Variants in THAP12 observed in about 807,000 individuals in gnomAD.
THAP12 encodes the protein THAP domain containing 12, also known as 52 kDa repressor of the inhibitor of the protein kinase.
A neutral mutation model predicts 63.0 loss-of-function variants in THAP12; 20 were observed. The ratio of observed to expected loss-of-function variants is 0.32; its 90% CI spans 0.22 to 0.46. The LOEUF (loss-of-function observed/expected upper bound fraction) is 0.46, where lower values mean the gene tolerates loss of function less well. THAP12 is among the 20% of genes least tolerant of loss of function. The pLI, the probability that THAP12 is intolerant of heterozygous loss-of-function variation, is 1.00. For synonymous variants in THAP12, 264 were observed against 328.4 expected, an observed-to-expected ratio of 0.80 and a Z score of 2.12; for missense variants, 568 against 908.2, an observed-to-expected ratio of 0.63 and a Z score of 4.81.
chr11:76,356,032 G>A (rs1202466753), intron 3 of THAP12: 2 of 162,950 alleles, frequency 1.2e-5, no homozygotes, highest in African/African-American at 2.4e-5. Flanking sequence ...TAACCCTGGA[G>A]ATGTCCCATA....
In THAP12 at chr11:76,351,132, A is replaced by T. The variant is rs766401173; in HGVS notation, c.2018T>A (p.Phe673Tyr). ...YEALHLPDIK[F>Y]FPNVYALLKV... is the part of the protein sequence containing the mutation. ...CAGCAATGCATACACATTAGGAAAA[A>T]ACTTGATGTCAGGCAGGTGGAGGGC... Residue 673 changes from phenylalanine to tyrosine, a missense_variant, in exon 5 of 5, where the codon TTT (phenylalanine) becomes TAT (tyrosine). Transcript: ENST00000260045. The T allele has an allele frequency of 6.2e-7, 1 of 1,608,034 alleles. No homozygotes were observed. The highest frequency in any genetic ancestry group is 8.5e-7 in the Non-Finnish European group (1 of 1,177,730).
chr11:76,374,317 T>C (rs1291457218), intron 1 of THAP12, among the ~76,000 whole-genome samples: 1 of 151,782 alleles, frequency 6.6e-6, no homozygotes, highest in African/African-American at 2.4e-5. Context: ...AAACCATAAA[T>C]TGGTCATTTG....
intron 4 of THAP12, among the ~76,000 whole-genome samples, chr11:76,354,927 A>G (rs56012153): frequency 0.14 from 21,258 of 152,210 alleles, 1,587 homozygotes; most frequent in South Asian, 0.21. Flanking sequence ...GCCCAAGTCC[A>G]TATCTCCTCA....
At chr11:76,376,425 G>T (rs1453730752) in intron 1 of THAP12, among the ~76,000 whole-genome samples, 3 of 152,154 alleles carry the variant, frequency 2.0e-5, no homozygotes, top group Non-Finnish European at 2.9e-5. Flanking sequence ...ATTACAGGAG[G>T]CAGATGTCCA....
chr11:76,380,729 C>T lies in THAP12; in HGVS notation c.89+19G>A. ...CGCGAAGGTGGGCCCGGGCCGCCCGCTCTGCGCCCGCCGCTTACCTGGCAG... is the reference window on the plus strand; with the variant it reads ...CGCGAAGGTGGGCCCGGGCCGCCCGTTCTGCGCCCGCCGCTTACCTGGCAG... On this transcript the variant is annotated intron_variant, in intron 1 of 4. Coordinates refer to ENST00000260045, the MANE Select transcript of THAP12 (RefSeq NM_004705.4). The T allele has an allele frequency of 7.1e-7, 1 of 1,410,008 alleles. No homozygotes were observed. 87.3% of individuals were successfully genotyped at this position (1,410,008 alleles called of 1,614,324 possible).
At position 76,355,617 on chromosome 11, in the gene THAP12, C is replaced by CT. The variant is rs745826670; in HGVS notation, c.355dup (p.Ile119AsnfsTer2). On this transcript the variant is annotated frameshift_variant and splice_region_variant. Transcript: ENST00000260045. LOFTEE classifies it high-confidence loss of function. The stretch of plus-strand genomic sequence containing the variant: ...GTTGAGTCATTAACACTATCACTTA[C>CT]TTTTTTTCTGTTTCAGTGTCCTGAT... 2.5e-6 allele frequency: 4 copies of CT among 1,597,298 alleles called. No homozygotes were observed. The highest frequency in any genetic ancestry group is 1.1e-5 in the South Asian group (1 of 87,120).
intron 2 of THAP12, among the ~76,000 whole-genome samples, chr11:76,365,197 G>A (rs988909785): frequency 1.3e-5 from 2 of 151,570 alleles, no homozygotes; most frequent in Admixed American, 6.6e-5. Context: ...AGAGAGAATC[G>A]CTTGAGCCCA....
chr11:76,356,093 C>G (rs1238652729), intron 3 of THAP12: 1 of 154,948 alleles, frequency 6.5e-6, no homozygotes, highest in East Asian at 1.9e-4. Context: ...ATGAGAAATC[C>G]CTGAGAAGCA....
intron 2 of THAP12, among the ~76,000 whole-genome samples, chr11:76,361,554 A>G (rs540816518): frequency 5.3e-5 from 8 of 152,326 alleles, no homozygotes; most frequent in African/African-American, 1.9e-4. Context: ...TCCAAACTCT[A>G]CCAGTGAGTG....
chr11:76,380,256 G>A (rs2134522517), intron 1 of THAP12, among the ~76,000 whole-genome samples: 1 of 152,304 alleles, frequency 6.6e-6, no homozygotes, highest in East Asian at 1.9e-4. Flanking sequence ...TGACAAGTCC[G>A]AAGGAGAAAG....
rs373992049 is a variant in THAP12 at position 76,355,633 on chromosome 11, G to C, written c.340C>G (p.Leu114Val). 3.8e-5 allele frequency: 60 copies of C among 1,592,396 alleles called. No homozygotes were observed. The highest frequency in any genetic ancestry group is 4.9e-5 in the Non-Finnish European group (58 of 1,171,828). Residue 114 changes from leucine (L) to valine (V), a missense_variant, in exon 4 of 5, where the codon CTG (leucine) becomes GTG (valine). Transcript: ENST00000260045. ...TATCACTTACTTTTTTTCTGTTTCA[G>C]TGTCCTGATTTCATCTTCACTCTAA... Reference protein sequence around the residue: ...KELSEDEIRTLKQKKIDETSE... With the variant: ...KELSEDEIRTVKQKKIDETSE...
intron 1 of THAP12, among the ~76,000 whole-genome samples, chr11:76,376,590 T>A (rs1372174559): frequency 6.6e-6 from 1 of 151,748 alleles, no homozygotes; most frequent in Non-Finnish European, 1.5e-5. Flanking sequence ...AACATCTTTG[T>A]CTTCGAATGC....
chr11:76,371,239 C>T (rs1021217524), intron 1 of THAP12, among the ~76,000 whole-genome samples: 3 of 152,156 alleles, frequency 2.0e-5, no homozygotes, highest in African/African-American at 7.2e-5. Context: ...CTTTTAGTGG[C>T]TTCTCATTAC....
At chr11:76,363,363 T>C (rs12364900) in intron 2 of THAP12, among the ~76,000 whole-genome samples, 1 of 152,092 alleles carries the variant, frequency 6.6e-6, no homozygotes, top group Non-Finnish European at 1.5e-5. Context: ...TGTTTACTGA[T>C]GAAATCTTTT....
intron 2 of THAP12, 91 bp from the exon 3 acceptor site, chr11:76,361,154 C>G (rs1462858989): frequency 7.8e-6 from 6 of 767,250 alleles, no homozygotes; most frequent in Non-Finnish European, 1.3e-5. Context: ...CCACAATATT[C>G]CTTCAACTCC....
rs533812031 is a variant in THAP12 at position 76,375,748 on chromosome 11, G to GGC, written c.89+4999_89+5000insGC. On this transcript the variant is annotated intron_variant, in intron 1 of 4. Coordinates refer to ENST00000260045, the MANE Select transcript of THAP12 (RefSeq NM_004705.4). ...ACAACCTGTTTATAGAAGAAAAGGTGGGGGGGGGGTGGGTTAGAACTAATA... is the reference window on the plus strand; with the variant it reads ...ACAACCTGTTTATAGAAGAAAAGGTGGCGGGGGGGGGTGGGTTAGAACTAATA... 5.7e-3 allele frequency among the ~76,000 whole-genome samples: 12 copies of GGC among 2,120 alleles called. No homozygotes were observed. The East Asian group carries it at 0.083, about 15-fold the overall frequency. The allele number at this position is 2,120 out of a possible 152,430, so 1.4% of individuals were successfully genotyped here.
At chr11:76,372,181 CG>C (rs1161241765) in intron 1 of THAP12, among the ~76,000 whole-genome samples, 3 of 151,864 alleles carry the variant, frequency 2.0e-5, no homozygotes, top group Non-Finnish European at 4.4e-5. Context: ...CTCAAACTCC[CG>C]GGCTCAAGCG....
In THAP12 at chr11:76,352,161, T is replaced by A. The variant is rs763907352; in HGVS notation, c.989A>T (p.Tyr330Phe). The change falls in exon 5 of 5, where the codon TAC becomes TTC. Residue 330 changes from tyrosine to phenylalanine, a missense_variant. Tyr to Phe is a conservative substitution (Grantham distance 22, BLOSUM62 3). Transcript: ENST00000260045. The stretch of plus-strand genomic sequence containing the variant: ...GGAAGAAAATCCACTAGAGACAATG[T>A]AAGCCTGGCCACGACAATACTCCAT... ...LNMEYCRGQAYIVSSGFSSKM... is the reference protein window; with the variant it reads ...LNMEYCRGQAFIVSSGFSSKM... 7 of 1,611,500 alleles carry A rather than the reference T, an allele frequency of 4.3e-6. No homozygotes were observed. The highest frequency in any genetic ancestry group is 5.1e-6 in the Non-Finnish European group (6 of 1,179,522).
chr11:76,378,611 C>A (rs1024328786), intron 1 of THAP12, among the ~76,000 whole-genome samples: 4 of 138,594 alleles, frequency 2.9e-5, no homozygotes, highest in African/African-American at 5.6e-5. Context: ...TTTTTTTTTT[C>A]ATCTATTCTT....
Sources: allele counts gnomAD v4.1 joint callset (sites outside exome capture counted in the v4.1 genomes callset), GRCh38; gene constraint gnomAD v4.1.1; transcripts MANE v1.5; gene names NCBI Gene and HGNC (gene_info 2026-07-23, HGNC 2026-07-21).